Variants in NTM observed in about 807,000 individuals in gnomAD.
NTM encodes neurotrimin, also known as IgLON family member 2.
Under a neutral mutation model 42.1 loss-of-function variants are expected in NTM, and 13 were observed. The observed-to-expected ratio is 0.31, with a 90% CI of 0.20 to 0.49. The LOEUF (loss-of-function observed/expected upper bound fraction) is 0.49. Ranked by LOEUF, NTM falls within the 20% of genes least tolerant of loss-of-function variation. The pLI is 0.99. For synonymous variants in NTM, 187 were observed against 179.2 expected, an observed-to-expected ratio of 1.04 and a Z score of -0.35; for missense variants, 373 against 452.8, an observed-to-expected ratio of 0.82 and a Z score of 1.60.
At chr11:132,299,294 C>CA (rs968668094) in intron 4 of NTM, among the ~76,000 whole-genome samples, 43 of 151,354 alleles carry the variant, frequency 2.8e-4, no homozygotes, top group African/African-American at 1.0e-3. Flanking sequence ...GACTCTGTCT[C>CA]AAAAAAACAA....
chr11:132,197,960 C>T (rs987205783), intron 3 of NTM, among the ~76,000 whole-genome samples: 5 of 151,990 alleles, frequency 3.3e-5, no homozygotes, highest in South Asian at 2.1e-4. Flanking sequence ...AGTAAACATA[C>T]GTGTGCATGT....
At chr11:132,048,439 C>T (rs948676951) in intron 2 of NTM, among the ~76,000 whole-genome samples, 2 of 152,154 alleles carry the variant, frequency 1.3e-5, no homozygotes, top group Admixed American at 1.3e-4. Flanking sequence ...CCAGTACTTC[C>T]TGGGGACTAA....
chr11:131,477,733 G>A (rs1953104321), intron 1 of NTM, among the ~76,000 whole-genome samples: 1 of 151,660 alleles, frequency 6.6e-6, no homozygotes. Flanking sequence ...TCTATTCCCA[G>A]ATGTATCAAA....
intron 2 of NTM, among the ~76,000 whole-genome samples, chr11:131,942,635 C>G (rs1233668036): frequency 6.6e-6 from 1 of 152,096 alleles, no homozygotes; most frequent in Non-Finnish European, 1.5e-5. Context: ...GGCCATTTGT[C>G]TCAGCTCTTC....
chr11:131,470,394 A>T (rs1025797175), intron 1 of NTM, among the ~76,000 whole-genome samples: 3 of 152,224 alleles, frequency 2.0e-5, no homozygotes, highest in Admixed American at 2.0e-4. Flanking sequence ...TGGGCAAAGC[A>T]TTCTGGCTGT....
intron 3 of NTM, among the ~76,000 whole-genome samples, chr11:132,207,305 C>A (rs1269490543): frequency 1.3e-5 from 2 of 152,052 alleles, no homozygotes; most frequent in East Asian, 3.9e-4. Flanking sequence ...GAGCACGAAC[C>A]CTTATTGTGA....
At chr11:132,095,033 C>G (rs1384834614) in intron 2 of NTM, among the ~76,000 whole-genome samples, 1 of 152,198 alleles carries the variant, frequency 6.6e-6, no homozygotes, top group Non-Finnish European at 1.5e-5. Flanking sequence ...GGAGACATTC[C>G]TCATGTGAGC....
intron 1 of NTM, among the ~76,000 whole-genome samples, chr11:131,502,574 G>A (rs756509360): frequency 3.9e-5 from 6 of 152,050 alleles, no homozygotes; most frequent in Non-Finnish European, 8.8e-5. Context: ...GTGAGGAGTC[G>A]GGGCCCATGC....
chr11:132,269,325 T>C (rs2093367988), intron 4 of NTM, among the ~76,000 whole-genome samples: 1 of 152,156 alleles, frequency 6.6e-6, no homozygotes, highest in Non-Finnish European at 1.5e-5. Context: ...AATTAAGTCT[T>C]CCTTTTGTGC....
intron 1 of NTM, among the ~76,000 whole-genome samples, chr11:131,751,773 C>CG (rs1304383874): frequency 7.7e-5 from 11 of 143,006 alleles, no homozygotes; most frequent in East Asian, 2.1e-4. Context: ...TCACCCCCCC[C>CG]CAAAATATAT....
At chr11:131,461,186 A>G (rs10894401) in intron 1 of NTM, among the ~76,000 whole-genome samples, 11,178 of 152,256 alleles carry the variant, frequency 0.073, 987 homozygotes, top group East Asian at 0.21. Flanking sequence ...GTGGGCAATC[A>G]CTGTTACTTT....
intron 2 of NTM, among the ~76,000 whole-genome samples, chr11:132,103,536 C>T (rs11222922): frequency 9.9e-5 from 15 of 152,132 alleles, no homozygotes; most frequent in African/African-American, 3.4e-4. Context: ...AAGTGAGCTT[C>T]AGGTTATATT....
At chr11:132,036,533 T>G (rs1593978342) in intron 2 of NTM, among the ~76,000 whole-genome samples, 1 of 152,260 alleles carries the variant, frequency 6.6e-6, no homozygotes, top group South Asian at 2.1e-4. Context: ...TGTAATTCAG[T>G]ATCAGGGAGA....
intron 1 of NTM, chr11:131,795,596 C>G (rs1178133196): frequency 1.0e-6 from 1 of 985,262 alleles, no homozygotes; most frequent in Non-Finnish European, 1.2e-6. Flanking sequence ...GAACCCTGGT[C>G]CCACAGAGTC....
At chr11:131,550,905 C>T (rs138706573) in intron 1 of NTM, among the ~76,000 whole-genome samples, 65 of 152,262 alleles carry the variant, frequency 4.3e-4, no homozygotes, top group African/African-American at 1.3e-3. Flanking sequence ...ACGAAGTTAC[C>T]GAGACTTCCA....
chr11:131,437,682 T>G (rs142997888), intron 1 of NTM, among the ~76,000 whole-genome samples: 2,693 of 152,318 alleles, frequency 0.018, 97 homozygotes, highest in African/African-American at 0.063. Flanking sequence ...TGTATGTCTC[T>G]GCATGTGAGA....
intron 1 of NTM, among the ~76,000 whole-genome samples, chr11:131,466,136 C>T (rs537034018): frequency 6.6e-6 from 1 of 152,252 alleles, no homozygotes; most frequent in African/African-American, 2.4e-5. Context: ...AGAGCCTGCC[C>T]GACCCTGACA....
rs150541641 is a variant in NTM at position 131,516,463 on chromosome 11, C to T, written c.82+145575C>T. Among the ~76,000 whole-genome samples the T allele has an allele frequency of 3.8e-3, 578 of 152,264 alleles. 1 individual carries two copies. Among genetic ancestry groups the T allele is most frequent in the Middle Eastern group, 0.02 (6 of 294 alleles). ...GCGCGATCTCGGCTCACGCAATCTC[C>T]GCCTCCCGGGTTCAAGAGATTCTCC... On this transcript the variant is annotated intron_variant, in intron 1 of 8. Transcript: ENST00000683400.
intron 1 of NTM, among the ~76,000 whole-genome samples, chr11:131,382,207 C>A (rs1156717286): frequency 6.6e-6 from 1 of 152,052 alleles, no homozygotes; most frequent in Non-Finnish European, 1.5e-5. Flanking sequence ...CTTGGATGGC[C>A]TGTGCTTTTC....
Sources: gnomAD v4.1 joint callset for allele counts (sites outside exome capture counted in the v4.1 genomes callset) on GRCh38, gnomAD v4.1.1 for gene constraint, MANE v1.5 for transcripts, NCBI Gene and HGNC (gene_info 2026-07-23, HGNC 2026-07-21) for gene names.